Variants in MBOAT2 observed in about 807,000 individuals in gnomAD.
The protein encoded by MBOAT2 is membrane bound glycerophospholipid O-acyltransferase 2, also known as membrane-bound glycerophospholipid O-acyltransferase 2.
Under a neutral mutation model 63.4 loss-of-function variants are expected in MBOAT2, and 28 were observed. That is an observed-to-expected ratio of 0.44 (90% CI 0.33 to 0.61). MBOAT2 has a LOEUF of 0.61. MBOAT2 is among the 20% of genes least tolerant of loss of function. The pLI is 0.03. For missense variants in MBOAT2, 470 were observed against 605.8 expected, an observed-to-expected ratio of 0.78 and a Z score of 2.35; for synonymous variants, 211 against 215.6, an observed-to-expected ratio of 0.98 and a Z score of 0.19.
chr2:8,937,178 G>A (rs969876183), intron 3 of MBOAT2, among the ~76,000 whole-genome samples: 2 of 152,192 alleles, frequency 1.3e-5, no homozygotes, highest in East Asian at 3.9e-4. Flanking sequence ...AGGAGACAGG[G>A]AGTCTACAGT....
chr2:8,906,577 T>C (rs914153315), intron 4 of MBOAT2, among the ~76,000 whole-genome samples: 8 of 152,224 alleles, frequency 5.3e-5, no homozygotes, highest in Non-Finnish European at 1.5e-5. Context: ...TCTTATTACG[T>C]TGAGCCACTG....
At chr2:8,915,373 T>C (rs189436169) in intron 3 of MBOAT2, among the ~76,000 whole-genome samples, 90 of 152,314 alleles carry the variant, frequency 5.9e-4, no homozygotes, top group African/African-American at 2.1e-3. Context: ...ACCTAGAATA[T>C]GGATCTGATG....
rs180992889 is a variant in MBOAT2, at chr2:8,998,968, T to C, written c.75+4572A>G. Among the ~76,000 whole-genome samples the C allele has an allele frequency of 2.2e-4, 33 of 152,312 alleles. 1 individual carries two copies. Among genetic ancestry groups the C allele is most frequent in the African/African-American group, 7.7e-4 (32 of 41,566 alleles). ...GAACTTTATCTGACTTCACCAGGTGTTGTGAGGATTTGATTAAATAATATA... is the reference window on the plus strand; with the variant it reads ...GAACTTTATCTGACTTCACCAGGTGCTGTGAGGATTTGATTAAATAATATA... On this transcript the variant is annotated intron_variant, in intron 1 of 12. Transcript: ENST00000305997.
At chr2:8,860,589 CA>C in intron 12 of MBOAT2, 23 bp downstream of exon 12, 2 of 1,603,356 alleles carry the variant, frequency 1.2e-6, no homozygotes, top group Non-Finnish European at 1.7e-6. Flanking sequence ...TTCCCACTGA[CA>C]AAGTTTTAAG....
In MBOAT2 at chr2:9,003,100, C is replaced by A. The variant is rs1006923760; in HGVS notation, c.75+440G>T. Among the ~76,000 whole-genome samples, 1 of 152,090 alleles carries A rather than the reference C, an allele frequency of 6.6e-6. No homozygotes were observed. Among genetic ancestry groups the A allele is most frequent in the East Asian group, 1.9e-4 (1 of 5,170 alleles). On this transcript the variant is annotated intron_variant, in intron 1 of 12. Coordinates refer to ENST00000305997, the MANE Select transcript of MBOAT2 (RefSeq NM_138799.4). This position sits in a 1 kb window ranked among gnomAD's most constrained non-coding sequence, Gnocchi z 5.4. ...AGCCTCTCCGGGGGTCGCTCAGAGGCGCGCGCGGGGCAGGCAGCACCACGC... is the reference window on the plus strand; with the variant it reads ...AGCCTCTCCGGGGGTCGCTCAGAGGAGCGCGCGGGGCAGGCAGCACCACGC...
At chr2:8,966,386 G>T (rs1669983835) in intron 1 of MBOAT2, among the ~76,000 whole-genome samples, 1 of 152,174 alleles carries the variant, frequency 6.6e-6, no homozygotes, top group South Asian at 2.1e-4. Context: ...AGCGCCCTGT[G>T]CTGGAATCTT....
intron 4 of MBOAT2, among the ~76,000 whole-genome samples, chr2:8,898,702 G>A (rs1358946000): frequency 6.6e-6 from 1 of 152,238 alleles, no homozygotes; most frequent in Non-Finnish European, 1.5e-5. Context: ...AAACCCTGGG[G>A]GCAAGACCGT....
intron 2 of MBOAT2, among the ~76,000 whole-genome samples, chr2:8,952,346 T>C (rs1668895555): frequency 6.6e-6 from 1 of 152,248 alleles, no homozygotes; most frequent in African/African-American, 2.4e-5. Flanking sequence ...GAGCATGTGG[T>C]TGATCTTGAA....
At chr2:8,899,531 G>A (rs1478772906) in intron 4 of MBOAT2, among the ~76,000 whole-genome samples, 1 of 152,198 alleles carries the variant, frequency 6.6e-6, no homozygotes, top group Non-Finnish European at 1.5e-5. Flanking sequence ...ATGAGCTGGC[G>A]CTTGCCCTGG....
At chr2:8,861,909 C>A (rs937129396) in intron 11 of MBOAT2, among the ~76,000 whole-genome samples, 4 of 152,146 alleles carry the variant, frequency 2.6e-5, no homozygotes, top group African/African-American at 7.2e-5. Flanking sequence ...TCATATATCC[C>A]CAAAGTTCCT....
At chr2:8,909,048 TTAGCACAAAAATA>T (rs1378715030) in intron 3 of MBOAT2, among the ~76,000 whole-genome samples, 1 of 152,196 alleles carries the variant, frequency 6.6e-6, no homozygotes, top group Non-Finnish European at 1.5e-5. Flanking sequence ...GACACAAAAG[TTAGCACAAAAATA>T]TTTGGCTAAG....
At chr2:8,868,208 A>C (rs1201361401) in intron 9 of MBOAT2, among the ~76,000 whole-genome samples, 1 of 152,102 alleles carries the variant, frequency 6.6e-6, no homozygotes, top group Non-Finnish European at 1.5e-5. Context: ...GTTTTACCTT[A>C]TTCTGTAACC....
At chr2:8,988,818 G>GC (rs1181808784) in intron 1 of MBOAT2, among the ~76,000 whole-genome samples, 1 of 151,784 alleles carries the variant, frequency 6.6e-6, no homozygotes, top group Non-Finnish European at 1.5e-5. Context: ...TCTCAATATT[G>GC]CAAGGAGAAA....
intron 3 of MBOAT2, among the ~76,000 whole-genome samples, chr2:8,927,277 T>C (rs1228333180): frequency 2.0e-5 from 3 of 152,186 alleles, no homozygotes; most frequent in African/African-American, 7.2e-5. Context: ...TTAAACACTT[T>C]ACCCTATATC....
intron 4 of MBOAT2, among the ~76,000 whole-genome samples, chr2:8,902,805 A>C (rs1047825454): frequency 2.0e-5 from 3 of 152,196 alleles, no homozygotes; most frequent in Non-Finnish European, 4.4e-5. Context: ...GAGCAGCAGC[A>C]AGATTTATTG....
chr2:8,924,197 CTTT>C (rs1353814362), intron 3 of MBOAT2, among the ~76,000 whole-genome samples: 1 of 152,202 alleles, frequency 6.6e-6, no homozygotes, highest in African/African-American at 2.4e-5. Context: ...GAGGTCCCTC[CTTT>C]TCTTCCCACT....
chr2:9,003,388 G>T lies in MBOAT2; in HGVS notation c.75+152C>A. The T allele has an allele frequency of 3.1e-6, 1 of 320,834 alleles. No homozygotes were observed. The highest frequency in any genetic ancestry group is 5.3e-6 in the Non-Finnish European group (1 of 190,270). 19.9% of individuals were successfully genotyped at this position (320,834 alleles called of 1,614,324 possible). ...GGGGCTCTGGGACAATAACCGGCTT[G>T]TTGCCCCCTCCCTTCCAGGGAGCGG... On this transcript the variant is annotated intron_variant, in intron 1 of 12. Coordinates refer to ENST00000305997, the MANE Select transcript of MBOAT2 (RefSeq NM_138799.4). This position sits in a 1 kb window ranked among gnomAD's most constrained non-coding sequence, Gnocchi z 5.4.
At chr2:9,001,272 T>A (rs192670474) in intron 1 of MBOAT2, among the ~76,000 whole-genome samples, 69 of 152,206 alleles carry the variant, frequency 4.5e-4, no homozygotes, top group African/African-American at 1.6e-3. Context: ...GTGATGCACT[T>A]AGGATTATCA....
chr2:8,862,405 C>A lies in MBOAT2; in HGVS notation c.1185+185G>T. ...GTGTTTTCTCCTCACAGGAACTGGG[C>A]ATGGAGCCTAGCCCGTGGTGAGCGC... On this transcript the variant is annotated intron_variant, in intron 11 of 12. Coordinates refer to ENST00000305997, the MANE Select transcript of MBOAT2 (RefSeq NM_138799.4). This position sits in a 1 kb window ranked among gnomAD's most constrained non-coding sequence, Gnocchi z 4.3. The A allele has an allele frequency of 7.3e-7, 1 of 1,366,882 alleles. No individual in the cohort carries two copies. The highest frequency in any genetic ancestry group is 9.9e-7 in the Non-Finnish European group (1 of 1,011,326). The allele number at this position is 1,366,882 out of a possible 1,614,324, so 84.7% of individuals were successfully genotyped here.
Sources: allele counts gnomAD v4.1 joint callset (sites outside exome capture counted in the v4.1 genomes callset), GRCh38; gene constraint gnomAD v4.1.1; non-coding constraint Gnocchi (gnomAD v3.1); transcripts MANE v1.5; gene names NCBI Gene and HGNC (gene_info 2026-07-23, HGNC 2026-07-21).